CPA6: variants seen among roughly 807,000 people sequenced by gnomAD.
CPA6 encodes carboxypeptidase A6, also known as carboxypeptidase B.
In CPA6, 58 loss-of-function variants were observed where a neutral mutation model predicts 63.3. The observed-to-expected ratio is 0.92, with a 90% CI of 0.74 to 1.14. The LOEUF (loss-of-function observed/expected upper bound fraction) is 1.14, where lower values mean the gene tolerates loss of function less well. Among genes scored for constraint, CPA6 ranks in the 50% most tolerant of loss-of-function variants. CPA6 has a pLI of 0.00. For synonymous variants in CPA6, 185 were observed against 179.0 expected (o/e 1.03, Z -0.27); for missense variants, 565 against 526.6 (o/e 1.07, Z -0.71).
chr8:67,573,576 C>A (rs1235974822), intron 2 of CPA6, among the ~76,000 whole-genome samples: 2 of 151,922 alleles, frequency 1.3e-5, no homozygotes, highest in African/African-American at 4.8e-5. Context: ...AGTGAAAGAA[C>A]TGTACACAAA....
chr8:67,691,725 A>G (rs1027756009), intron 1 of CPA6, among the ~76,000 whole-genome samples: 1 of 152,166 alleles, frequency 6.6e-6, no homozygotes, highest in African/African-American at 2.4e-5. Context: ...TGTTAAAAAT[A>G]TATCTTATGT....
At chr8:67,704,136 T>G (rs1817083088) in intron 1 of CPA6, among the ~76,000 whole-genome samples, 1 of 152,218 alleles carries the variant, frequency 6.6e-6, no homozygotes, top group South Asian at 2.1e-4. Context: ...AGGCTTTCCA[T>G]GAGTATTCCT....
intron 2 of CPA6, among the ~76,000 whole-genome samples, chr8:67,558,743 A>G (rs540824079): frequency 9.8e-5 from 15 of 152,340 alleles, no homozygotes; most frequent in Admixed American, 9.8e-4. Flanking sequence ...GCTGCAAACC[A>G]TTCACTGATG....
At chr8:67,557,818 A>T (rs567304386) in intron 2 of CPA6, among the ~76,000 whole-genome samples, 15 of 152,308 alleles carry the variant, frequency 9.8e-5, no homozygotes, top group African/African-American at 3.1e-4. Flanking sequence ...TTTTCAGGAG[A>T]AACTAGCCTT....
chr8:67,641,966 C>G (rs1272859918), intron 1 of CPA6, among the ~76,000 whole-genome samples: 1 of 152,010 alleles, frequency 6.6e-6, no homozygotes, highest in Non-Finnish European at 1.5e-5. Flanking sequence ...ATGTAAGGTA[C>G]CTAGCAATTC....
intron 8 of CPA6, among the ~76,000 whole-genome samples, chr8:67,472,511 G>A (rs1319393409): frequency 4.6e-5 from 7 of 151,730 alleles, no homozygotes; most frequent in East Asian, 1.9e-4. Context: ...TGCAACCTCC[G>A]CCTCCTGGGC....
rs112490803 is a variant in CPA6, at chr8:67,657,901, A to G, written c.117-33650T>C. 7.5e-3 allele frequency among the ~76,000 whole-genome samples: 1,141 copies of G among 152,180 alleles called. 11 individuals carry two copies. The highest frequency in any genetic ancestry group is 0.026 in the African/African-American group (1,059 of 41,514). ...TTGTGAGATGCACCTTTGATCATGT[A>G]TTCACTAAATAAATATTTCCTGAGT... On this transcript the variant is annotated intron_variant, in intron 1 of 10. Transcript: ENST00000297770.
intron 2 of CPA6, among the ~76,000 whole-genome samples, chr8:67,520,368 A>G (rs1812234810): frequency 6.6e-6 from 1 of 152,200 alleles, no homozygotes. Flanking sequence ...ACTTTCTCAC[A>G]AAGTGTGCTC....
chr8:67,580,312 A>C (rs1417834948), intron 2 of CPA6, among the ~76,000 whole-genome samples: 1 of 152,176 alleles, frequency 6.6e-6, no homozygotes, highest in Non-Finnish European at 1.5e-5. Flanking sequence ...TGGTTTCCCT[A>C]ATCCTTCTAC....
intron 8 of CPA6, among the ~76,000 whole-genome samples, chr8:67,443,084 A>T (rs1315344072): frequency 6.7e-6 from 1 of 148,716 alleles, no homozygotes; most frequent in Non-Finnish European, 1.5e-5. Flanking sequence ...TTTTTTTGAG[A>T]CAGAGTCTTG....
At chr8:67,616,916 G>A (rs1314978149) in intron 2 of CPA6, among the ~76,000 whole-genome samples, 1 of 152,138 alleles carries the variant, frequency 6.6e-6, no homozygotes, top group African/African-American at 2.4e-5. Flanking sequence ...GCAGGTACAT[G>A]AAAGAGCCCA....
In CPA6 at chr8:67,648,413, A is replaced by C. The variant is rs145154601; in HGVS notation, c.117-24162T>G. 9.3e-4 allele frequency among the ~76,000 whole-genome samples: 141 copies of C among 152,282 alleles called. 1 individual carries two copies. The highest frequency in any genetic ancestry group is 7.7e-3 in the South Asian group (37 of 4,826). On this transcript the variant is annotated intron_variant, in intron 1 of 10. Coordinates refer to ENST00000297770, the MANE Select transcript of CPA6 (RefSeq NM_020361.5). ...ATTGCTAAGCCTTTAGGCCCAACAC[A>C]GAAGGCTGTGCTGCATCATACTGCC...
intron 8 of CPA6, among the ~76,000 whole-genome samples, chr8:67,477,029 G>A (rs1811255559): frequency 1.3e-5 from 2 of 152,144 alleles, no homozygotes; most frequent in South Asian, 2.1e-4. Context: ...GGTGGCTCAC[G>A]TCTGTAATCC....
At chr8:67,710,125 G>A (rs1356586012) in intron 1 of CPA6, among the ~76,000 whole-genome samples, 1 of 147,894 alleles carries the variant, frequency 6.8e-6, no homozygotes, top group Non-Finnish European at 1.5e-5. Context: ...AAAAAAAAAA[G>A]ATTTTCTGAT....
chr8:67,687,676 C>T (rs943664475), intron 1 of CPA6, among the ~76,000 whole-genome samples: 12 of 152,028 alleles, frequency 7.9e-5, no homozygotes, highest in Admixed American at 7.9e-4. Context: ...CGGTGGGTTT[C>T]GGGGTCAGCG....
intron 2 of CPA6, among the ~76,000 whole-genome samples, chr8:67,557,882 T>C (rs1813102190): frequency 6.6e-6 from 1 of 152,172 alleles, no homozygotes; most frequent in African/African-American, 2.4e-5. Context: ...TGATTTTGTG[T>C]CATGGCTGAG....
chr8:67,426,091 AC>A (rs1194454086), intron 10 of CPA6, among the ~76,000 whole-genome samples: 1 of 151,782 alleles, frequency 6.6e-6, no homozygotes. Flanking sequence ...GCCTCAGCCA[AC>A]TGGGTAGCTG....
intron 2 of CPA6, among the ~76,000 whole-genome samples, chr8:67,522,286 G>C (rs1031279317): frequency 1.3e-5 from 2 of 152,134 alleles, no homozygotes; most frequent in African/African-American, 2.4e-5. Context: ...CTCTCACACA[G>C]TGGGCTACCC....
chr8:67,595,084 G>A (rs1024369567), intron 2 of CPA6, among the ~76,000 whole-genome samples: 2 of 152,140 alleles, frequency 1.3e-5, no homozygotes, highest in African/African-American at 4.8e-5. Context: ...CTGTTTGTTA[G>A]TTTTCCTTCT....
Sources: allele counts gnomAD v4.1 joint callset (sites outside exome capture counted in the v4.1 genomes callset), GRCh38; gene constraint gnomAD v4.1.1; transcripts MANE v1.5; gene names NCBI Gene and HGNC (gene_info 2026-07-23, HGNC 2026-07-21).